TTC33: variants seen among roughly 807,000 people sequenced by gnomAD.
The protein encoded by TTC33 is tetratricopeptide repeat protein 33.
A neutral mutation model predicts 29.4 loss-of-function variants in TTC33; 24 were observed. That is an observed-to-expected ratio of 0.82 (90% confidence interval 0.59 to 1.15). The LOEUF (loss-of-function observed/expected upper bound fraction) is 1.15, where lower values mean the gene tolerates loss of function less well. Ranked by LOEUF, TTC33 falls within the 50% of genes most tolerant of loss-of-function variation. The pLI is 0.00. For synonymous variants in TTC33, 107 were observed against 100.3 expected (o/e 1.07, Z -0.40); for missense variants, 286 against 310.4 (o/e 0.92, Z 0.59).
rs1251225507 is a variant in TTC33 at position 40,719,597 on chromosome 5, T to C, written c.436-3099A>G. ...ACTGTTTTGTCATATGATAACTATA[T>C]GTTTCATTTTTTTGAGGAGCTGCCA... is the stretch of plus-strand genomic sequence containing the variant. On this transcript the variant is annotated intron_variant, in intron 4 of 4. Transcript: ENST00000337702. Among the ~76,000 whole-genome samples, 7 of 152,332 alleles carry C rather than the reference T, an allele frequency of 4.6e-5. No individual in the cohort carries two copies. In the East Asian group the frequency reaches 9.6e-4, roughly 21 times the overall value.
At chr5:40,727,962 C>A (rs1269885212) in intron 4 of TTC33, among the ~76,000 whole-genome samples, 1 of 151,986 alleles carries the variant, frequency 6.6e-6, no homozygotes, top group Admixed American at 6.6e-5. Flanking sequence ...AACGGCTATT[C>A]ACTTTTGGGT....
intron 1 of TTC33, among the ~76,000 whole-genome samples, chr5:40,751,871 C>T (rs1451214423): frequency 4.0e-5 from 6 of 151,438 alleles, no homozygotes; most frequent in Admixed American, 2.6e-4. Flanking sequence ...GCAGGAGAAT[C>T]GCTTGAACCC....
intron 3 of TTC33, 137 bp downstream of exon 3, chr5:40,730,125 G>A: frequency 1.6e-6 from 1 of 627,536 alleles, no homozygotes; most frequent in Non-Finnish European, 2.7e-6. Flanking sequence ...ATAAATAATG[G>A]TGAAATATTT....
At chr5:40,717,720 T>C (rs934152060) in intron 4 of TTC33, among the ~76,000 whole-genome samples, 5 of 152,232 alleles carry the variant, frequency 3.3e-5, no homozygotes, top group African/African-American at 1.2e-4. Flanking sequence ...TCTCTGAGTA[T>C]ACTTAGTCTC....
rs916907939 is a variant in TTC33 at position 40,734,400 on chromosome 5, G to T, written c.222-4057C>A. Among the ~76,000 whole-genome samples the T allele has an allele frequency of 2.6e-5, 4 of 152,176 alleles. No individual in the cohort carries two copies. The South Asian group carries it at 8.3e-4, about 32-fold the overall frequency. ...AAAAACTTGGTTTAAAGTCACTGTG[G>T]TTAATAAATGACCAAAGTCTGATTC... On this transcript the variant is annotated intron_variant, in intron 2 of 4. Coordinates refer to ENST00000337702, the MANE Select transcript of TTC33 (RefSeq NM_012382.3).
intron 1 of TTC33, among the ~76,000 whole-genome samples, chr5:40,752,449 A>C (rs961795853): frequency 2.0e-5 from 3 of 152,210 alleles, no homozygotes; most frequent in Admixed American, 2.0e-4. Context: ...TTGATTTAAA[A>C]TGAGAGATGT....
At chr5:40,734,824 T>A (rs1742509666) in intron 2 of TTC33, among the ~76,000 whole-genome samples, 1 of 152,326 alleles carries the variant, frequency 6.6e-6, no homozygotes, top group Non-Finnish European at 1.5e-5. Flanking sequence ...CTAAAGTGTA[T>A]GCATGTTAGA....
chr5:40,738,560 AATAAAAT>A (rs1200100983), intron 2 of TTC33, among the ~76,000 whole-genome samples: 25 of 137,586 alleles, frequency 1.8e-4, no homozygotes, highest in East Asian at 1.6e-3. Context: ...AATAAAATAA[AATAAAAT>A]ATAAAATAAA....
At chr5:40,750,980 C>A (rs976234307) in intron 1 of TTC33, among the ~76,000 whole-genome samples, 3 of 152,174 alleles carry the variant, frequency 2.0e-5, no homozygotes, top group African/African-American at 4.8e-5. Flanking sequence ...GTCTTGAACC[C>A]CTCAAAGTTA....
intron 1 of TTC33, among the ~76,000 whole-genome samples, 198 bp from the exon 2 acceptor site, chr5:40,747,217 C>T (rs1742811261): frequency 6.6e-6 from 1 of 152,038 alleles, no homozygotes; most frequent in African/African-American, 2.4e-5. Flanking sequence ...ACCACCCACA[C>T]CGGCTAATTT....
At chr5:40,730,925 C>T (rs1219508058) in intron 2 of TTC33, among the ~76,000 whole-genome samples, 2 of 151,978 alleles carry the variant, frequency 1.3e-5, no homozygotes, top group Admixed American at 1.3e-4. Context: ...AAAGTATATA[C>T]AACATTAAAT....
At chr5:40,750,626 A>T (rs1232919590) in intron 1 of TTC33, among the ~76,000 whole-genome samples, 1 of 152,028 alleles carries the variant, frequency 6.6e-6, no homozygotes, top group Non-Finnish European at 1.5e-5. Context: ...TTCACAAAAA[A>T]TTTTTCTGTA....
At chr5:40,731,109 T>G (rs1332964555) in intron 2 of TTC33, among the ~76,000 whole-genome samples, 1 of 152,190 alleles carries the variant, frequency 6.6e-6, no homozygotes, top group Non-Finnish European at 1.5e-5. Context: ...CAGGAAAAAC[T>G]TTGGAAATTA....
intron 4 of TTC33, among the ~76,000 whole-genome samples, chr5:40,727,743 T>G (rs1345344227): frequency 3.9e-5 from 6 of 152,190 alleles, no homozygotes; most frequent in Non-Finnish European, 7.3e-5. Flanking sequence ...AAGTTGCCTA[T>G]TGTCTATTTA....
rs754244037 is a variant in TTC33, at chr5:40,716,149, C to T, written c.785G>A (p.Arg262Gln). The T allele has an allele frequency of 6.3e-7, 1 of 1,595,678 alleles. No homozygotes were observed. Among genetic ancestry groups the T allele is most frequent in the South Asian group, 1.1e-5 (1 of 88,590 alleles). ...PPDGSVFIKA[R>Q] The stretch of plus-strand genomic sequence containing the variant: ...AATAATCCTATGCATACTGCTTCAT[C>T]GGGCTTTGATAAAAACAGAGCCATC... Residue 262 changes from arginine (R) to glutamine (Q), a missense_variant, in exon 5 of 5, where the codon CGA becomes CAA. By Grantham distance (43) the Arg-to-Gln change is conservative. Transcript: ENST00000337702.
intron 2 of TTC33, among the ~76,000 whole-genome samples, chr5:40,732,462 G>A (rs1742453906): frequency 6.6e-6 from 1 of 151,494 alleles, no homozygotes; most frequent in South Asian, 2.1e-4. Context: ...ACTATATCAA[G>A]TATGCCTCCC....
At chr5:40,725,278 T>C (rs184951750) in intron 4 of TTC33, among the ~76,000 whole-genome samples, 369 of 151,974 alleles carry the variant, frequency 2.4e-3, no homozygotes, top group African/African-American at 8.6e-3. Context: ...TGAGCCAGGA[T>C]GCCCAGCCCC....
chr5:40,752,003 CT>C (rs1742905606), intron 1 of TTC33, among the ~76,000 whole-genome samples: 1 of 151,416 alleles, frequency 6.6e-6, no homozygotes, highest in African/African-American at 2.4e-5. Context: ...GTGTAGCCAA[CT>C]TCATCAATTA....
intron 2 of TTC33, among the ~76,000 whole-genome samples, chr5:40,745,318 T>C (rs186851539): frequency 2.4e-3 from 360 of 152,230 alleles, no homozygotes; most frequent in African/African-American, 8.2e-3. Flanking sequence ...TAAGATAATA[T>C]CCTTATTCTT....
Sources: gnomAD v4.1 joint callset for allele counts (sites outside exome capture counted in the v4.1 genomes callset) on GRCh38, gnomAD v4.1.1 for gene constraint, MANE v1.5 for transcripts, NCBI Gene and HGNC (gene_info 2026-07-23, HGNC 2026-07-21) for gene names.